The following LRRC7 variants were observed in gnomAD, a reference collection of about 807,000 sequenced individuals.
The protein encoded by LRRC7 is leucine rich repeat containing 7.
LRRC7 carries 23 observed loss-of-function variants against 175.7 expected under a neutral mutation model. That is an observed-to-expected ratio of 0.13 (90% CI 0.09 to 0.19). The LOEUF (loss-of-function observed/expected upper bound fraction) is 0.19. LRRC7 is among the 10% of genes least tolerant of loss of function. The probability of loss-of-function intolerance (pLI) is 1.00; values close to 1 mark genes in which losing one functional copy is unlikely to be tolerated. For synonymous variants in LRRC7, 685 were observed against 680.9 expected (o/e 1.01, Z -0.09); for missense variants, 1,354 against 1,904.7 (o/e 0.71, Z 5.38).
chr1:69,778,119 C>G (rs1673025277), intron 3 of LRRC7, among the ~76,000 whole-genome samples: 1 of 152,154 alleles, frequency 6.6e-6, no homozygotes, highest in Non-Finnish European at 1.5e-5. Flanking sequence ...GCCTGGCATG[C>G]TACTTTGATT....
intron 2 of LRRC7, among the ~76,000 whole-genome samples, chr1:69,708,733 G>C (rs1439176054): frequency 2.0e-5 from 3 of 152,090 alleles, no homozygotes; most frequent in African/African-American, 7.2e-5. Flanking sequence ...AGTCTCTGTT[G>C]GTACAACTCT....
At chr1:70,099,837 G>A (rs1334035009) in intron 25 of LRRC7, among the ~76,000 whole-genome samples, 3 of 152,010 alleles carry the variant, frequency 2.0e-5, no homozygotes, top group Non-Finnish European at 4.4e-5. Flanking sequence ...ACAAAGCTTA[G>A]CAATTCAAAT....
At chr1:69,832,484 A>G (rs1680639637) in intron 5 of LRRC7, among the ~76,000 whole-genome samples, 1 of 152,258 alleles carries the variant, frequency 6.6e-6, no homozygotes, top group African/African-American at 2.4e-5. Context: ...AAATAAGTAA[A>G]CATGTATTTC....
intron 9 of LRRC7, among the ~76,000 whole-genome samples, chr1:69,983,927 A>G (rs1653682459): frequency 6.6e-6 from 1 of 151,826 alleles, no homozygotes; most frequent in African/African-American, 2.4e-5. Flanking sequence ...TGGGTCTGAC[A>G]TTATACTTTT....
chr1:70,063,320 A>ATTT (rs1312806797), intron 23 of LRRC7, among the ~76,000 whole-genome samples: 4 of 152,142 alleles, frequency 2.6e-5, no homozygotes, highest in Non-Finnish European at 5.9e-5. Context: ...GAGATAACTC[A>ATTT]ATAGCATTTA....
chr1:70,077,765 A>G (rs187855633), intron 24 of LRRC7, among the ~76,000 whole-genome samples: 9 of 152,346 alleles, frequency 5.9e-5, no homozygotes, highest in Admixed American at 5.2e-4. Flanking sequence ...ACTAAGTTTT[A>G]AAGTTTACAC....
intron 7 of LRRC7, among the ~76,000 whole-genome samples, chr1:69,883,124 T>A (rs1686806478): frequency 6.6e-6 from 1 of 152,112 alleles, no homozygotes; most frequent in Non-Finnish European, 1.5e-5. Flanking sequence ...TTTGGGTATA[T>A]ACCCAGTAAT....
chr1:69,626,278 C>T (rs1208471032), intron 1 of LRRC7, among the ~76,000 whole-genome samples: 1 of 151,822 alleles, frequency 6.6e-6, no homozygotes, highest in Non-Finnish European at 1.5e-5. Flanking sequence ...GGCAGATGCC[C>T]CTGAGGAAAA....
At chr1:69,862,524 C>T (rs1201602769) in intron 7 of LRRC7, among the ~76,000 whole-genome samples, 2 of 152,086 alleles carry the variant, frequency 1.3e-5, no homozygotes, top group African/African-American at 4.8e-5. Context: ...GTCATGTTCC[C>T]TTCGAATGTC....
chr1:70,129,246 TAA>T lies in LRRC7; in HGVS notation c.*7374_*7375del, dbSNP rs199578199. Among the ~76,000 whole-genome samples the T allele has an allele frequency of 2.9e-4, 39 of 133,932 alleles. No individual in the cohort carries two copies. Among genetic ancestry groups the T allele is most frequent in the East Asian group, 4.3e-4 (2 of 4,670 alleles). The allele number at this position is 133,932 out of a possible 152,430, so 87.9% of individuals were successfully genotyped here. On this transcript the variant is annotated 3_prime_UTR_variant, in exon 27 of 27. Coordinates refer to ENST00000651989, the MANE Select transcript of LRRC7 (RefSeq NM_001370785.2). ...TGGGTGACAGAGTGAGACTCCATCT[TAA>T]AAAAAAAAAAAAAAGTGTCACGAAA...
chr1:70,097,802 T>A (rs1173039509), intron 25 of LRRC7, among the ~76,000 whole-genome samples: 1 of 151,504 alleles, frequency 6.6e-6, no homozygotes, highest in Non-Finnish European at 1.5e-5. Flanking sequence ...CATCATTTTT[T>A]ATGGCTGCAT....
At chr1:69,590,902 A>G (rs894815227) in intron 1 of LRRC7, among the ~76,000 whole-genome samples, 1 of 152,138 alleles carries the variant, frequency 6.6e-6, no homozygotes. Flanking sequence ...TTGAGAAATA[A>G]TTAATGTTGA....
At position 70,016,579 on chromosome 1, in the gene LRRC7, A is replaced by AT. The variant is rs1181180073; in HGVS notation, c.1320+47dup. The stretch of plus-strand genomic sequence containing the variant: ...GATTTATTTATTAAGATGAACTATA[A>AT]TTGAAAGTTTGAATTACTAATTTAT... On this transcript the variant is annotated intron_variant, in intron 14 of 26. Coordinates refer to ENST00000651989, the MANE Select transcript of LRRC7 (RefSeq NM_001370785.2). 12 of 1,436,000 alleles carry AT rather than the reference A, an allele frequency of 8.4e-6. No homozygotes were observed. In the East Asian group the frequency reaches 2.9e-4, roughly 35 times the overall value. The allele number at this position is 1,436,000 out of a possible 1,614,324, so 89.0% of individuals were successfully genotyped here.
chr1:69,714,588 A>T (rs1341284046), intron 2 of LRRC7, among the ~76,000 whole-genome samples: 1 of 152,210 alleles, frequency 6.6e-6, no homozygotes, highest in Non-Finnish European at 1.5e-5. Flanking sequence ...AACCACAGGC[A>T]GAAATCAGTA....
chr1:70,060,619 A>G (rs1365691022), intron 23 of LRRC7, among the ~76,000 whole-genome samples: 1 of 152,142 alleles, frequency 6.6e-6, no homozygotes, highest in Non-Finnish European at 1.5e-5. Context: ...AGATGGCAGA[A>G]AGTAGAGTAG....
At chr1:69,818,573 C>CT (rs1187544882) in intron 4 of LRRC7, among the ~76,000 whole-genome samples, 1 of 151,926 alleles carries the variant, frequency 6.6e-6, no homozygotes, top group East Asian at 1.9e-4. Context: ...CTGTAATTTT[C>CT]TTTTTTTGTT....
chr1:69,702,779 A>G (rs780795952), intron 2 of LRRC7, among the ~76,000 whole-genome samples: 15 of 152,116 alleles, frequency 9.9e-5, no homozygotes, highest in Non-Finnish European at 1.6e-4. Context: ...TTGGGAGTTT[A>G]TTATTAAGAT....
At chr1:69,732,921 G>A (rs763767867) in intron 2 of LRRC7, among the ~76,000 whole-genome samples, 1 of 152,070 alleles carries the variant, frequency 6.6e-6, no homozygotes, top group Non-Finnish European at 1.5e-5. Context: ...TTAATCAGTG[G>A]CCCAGGAATT....
chr1:69,937,404 T>C (rs1267763521), intron 8 of LRRC7, among the ~76,000 whole-genome samples: 1 of 152,122 alleles, frequency 6.6e-6, no homozygotes, highest in Non-Finnish European at 1.5e-5. Flanking sequence ...CTGTTTTGTC[T>C]GCATTTATTG....
Sources: gnomAD v4.1 joint callset for allele counts (sites outside exome capture counted in the v4.1 genomes callset) on GRCh38, gnomAD v4.1.1 for gene constraint, MANE v1.5 for transcripts, NCBI Gene and HGNC (gene_info 2026-07-23, HGNC 2026-07-21) for gene names.